Variants in TCTN2 observed in about 807,000 individuals in gnomAD.
TCTN2 encodes the protein tectonic family member 2.
In TCTN2, 66 loss-of-function variants were observed where a neutral mutation model predicts 83.4. That is an observed-to-expected ratio of 0.79 (90% CI 0.65 to 0.97). The LOEUF (loss-of-function observed/expected upper bound fraction) is 0.97. Ranked by LOEUF, TCTN2 falls within the 50% of genes least tolerant of loss-of-function variation. The pLI, the probability that TCTN2 is intolerant of heterozygous loss-of-function variation, is 0.00. For missense variants in TCTN2, 794 were observed against 858.1 expected, an observed-to-expected ratio of 0.93 and a Z score of 0.93; for synonymous variants, 301 against 326.7, an observed-to-expected ratio of 0.92 and a Z score of 0.85.
intron 5 of TCTN2, among the ~76,000 whole-genome samples, chr12:123,680,449 C>T (rs1258553069): frequency 1.3e-5 from 2 of 150,380 alleles, no homozygotes; most frequent in Admixed American, 6.6e-5. Flanking sequence ...CCACCATGCC[C>T]GGCCTGACTT....
chr12:123,704,505 A>C, intron 14 of TCTN2, 27 bp from the exon 15 acceptor site: 1 of 1,588,074 alleles, frequency 6.3e-7, no homozygotes, highest in Non-Finnish European at 8.6e-7. Context: ...TATTCTTTGA[A>C]AAGTGTATAA....
At position 123,708,299 on chromosome 12, in the gene TCTN2, A is replaced by G. The variant is rs940806996; in HGVS notation, c.*586A>G. 1 of 156,954 alleles carries G rather than the reference A, an allele frequency of 6.4e-6. No homozygotes were observed. The highest frequency in any genetic ancestry group is 2.4e-5 in the African/African-American group (1 of 41,416). 9.7% of individuals were successfully genotyped at this position (156,954 alleles called of 1,614,324 possible). On this transcript the variant is annotated 3_prime_UTR_variant, in exon 18 of 18. Coordinates refer to ENST00000303372, the MANE Select transcript of TCTN2 (RefSeq NM_024809.5). ...TGAGCCACTGCGTCCGGTCCATCTGACTTCTCAAAGACTTTAGACCTTGAC... is the reference window on the plus strand; with the variant it reads ...TGAGCCACTGCGTCCGGTCCATCTGGCTTCTCAAAGACTTTAGACCTTGAC...
At chr12:123,674,317 C>T (rs1352745173) in intron 4 of TCTN2, among the ~76,000 whole-genome samples, 1 of 152,054 alleles carries the variant, frequency 6.6e-6, no homozygotes, top group African/African-American at 2.4e-5. Context: ...TGTCACCAGG[C>T]TGGAGTGCAG....
intron 5 of TCTN2, 56 bp downstream of exon 5, chr12:123,679,345 G>C: frequency 6.9e-7 from 1 of 1,450,908 alleles, no homozygotes; most frequent in Non-Finnish European, 9.7e-7. Context: ...AACACCAGCA[G>C]TTCCACCAAC....
chr12:123,683,252 A>C (rs1039350677), intron 5 of TCTN2, among the ~76,000 whole-genome samples: 10 of 151,728 alleles, frequency 6.6e-5, no homozygotes, highest in African/African-American at 1.9e-4. Context: ...TTTTTGATTA[A>C]CCTTTTTTTC....
Position 123,686,821 on chromosome 12 carries a change from A to G in TCTN2, c.565-15A>G. 2.5e-6 allele frequency: 4 copies of G among 1,613,940 alleles called. No homozygotes were observed. The highest frequency in any genetic ancestry group is 3.4e-6 in the Non-Finnish European group (4 of 1,179,880). Reference sequence around the variant, plus strand: ...GACCACGGTCACAGCTCCTGCCTTTATGTTTGTCTTCCAGGAATGCTCATC... The same window carrying G: ...GACCACGGTCACAGCTCCTGCCTTTGTGTTTGTCTTCCAGGAATGCTCATC... On this transcript the variant is annotated splice_polypyrimidine_tract_variant and intron_variant, in intron 5 of 17. Coordinates refer to ENST00000303372, the MANE Select transcript of TCTN2 (RefSeq NM_024809.5).
At chr12:123,694,349 G>A (rs1393811398) in intron 9 of TCTN2, among the ~76,000 whole-genome samples, 16 of 152,164 alleles carry the variant, frequency 1.1e-4, no homozygotes, top group Admixed American at 1.3e-4. Flanking sequence ...GGCTGGTCTC[G>A]AACTCTTGAC....
chr12:123,701,363 C>T lies in TCTN2; in HGVS notation c.1612+1553C>T, dbSNP rs527528479. ...GCTTTGTGACTATACCAGAAACCAT[C>T]GAATTGCACACTTTAAGTAGGTGGA... On this transcript the variant is annotated intron_variant, in intron 14 of 17. Coordinates refer to ENST00000303372, the MANE Select transcript of TCTN2 (RefSeq NM_024809.5). Among the ~76,000 whole-genome samples the T allele has an allele frequency of 9.9e-5, 15 of 152,222 alleles. No individual in the cohort carries two copies. The East Asian group carries it at 2.5e-3, about 25-fold the overall frequency.
intron 4 of TCTN2, among the ~76,000 whole-genome samples, chr12:123,676,564 T>C (rs1319608081): frequency 1.5e-5 from 1 of 66,156 alleles, no homozygotes; most frequent in Non-Finnish European, 2.6e-5. Context: ...CGAGACTCCA[T>C]CTAAAAAAAA....
chr12:123,696,296 T>C (rs1956107552), intron 11 of TCTN2, 119 bp from the exon 12 acceptor site: 1 of 831,252 alleles, frequency 1.2e-6, no homozygotes, highest in Non-Finnish European at 2.1e-6. Context: ...TCAAGGGTAT[T>C]TTCGAAAGCT....
At chr12:123,693,707 G>GCCTTGA (rs1956074433) in intron 9 of TCTN2, among the ~76,000 whole-genome samples, 1 of 151,876 alleles carries the variant, frequency 6.6e-6, no homozygotes, top group Admixed American at 6.6e-5. Context: ...ACCTGCCTTG[G>GCCTTGA]CCTCCCAAAG....
At chr12:123,695,645 A>G (rs967813319) in intron 11 of TCTN2, 122 of 184,774 alleles carry the variant, frequency 6.6e-4, no homozygotes, top group African/African-American at 2.8e-3. Context: ...CTACTTCTCC[A>G]AAGAGAGGCT....
At chr12:123,690,123 A>G (rs1432098789) in intron 7 of TCTN2, among the ~76,000 whole-genome samples, 1 of 152,162 alleles carries the variant, frequency 6.6e-6, no homozygotes, top group Non-Finnish European at 1.5e-5. Context: ...TAAGTTCAAC[A>G]TTATGAGGAG....
intron 3 of TCTN2, 43 bp downstream of exon 3, chr12:123,672,175 C>G (rs748975594): frequency 1.9e-6 from 3 of 1,539,822 alleles, no homozygotes; most frequent in Admixed American, 3.3e-5. Flanking sequence ...GTGAAGAGGC[C>G]CCCAGCTAGG....
rs368179378 is a variant in TCTN2, at chr12:123,686,818, T to G, written c.565-18T>G. On this transcript the variant is annotated intron_variant, in intron 5 of 17. Coordinates refer to ENST00000303372, the MANE Select transcript of TCTN2 (RefSeq NM_024809.5). ...CCTGACCACGGTCACAGCTCCTGCC[T>G]TTATGTTTGTCTTCCAGGAATGCTC... 236 of 1,613,824 alleles carry G rather than the reference T, an allele frequency of 1.5e-4. 2 individuals are homozygous for G. Among genetic ancestry groups the G allele is most frequent in the Non-Finnish European group, 1.9e-4 (226 of 1,179,834 alleles).
chr12:123,677,696 G>T (rs1422501718), intron 4 of TCTN2, among the ~76,000 whole-genome samples: 3 of 152,018 alleles, frequency 2.0e-5, no homozygotes, highest in Non-Finnish European at 4.4e-5. Context: ...ATTCACGCCC[G>T]CCACCTTCTC....
chr12:123,706,514 T>C (rs1282533646), intron 15 of TCTN2, among the ~76,000 whole-genome samples: 1 of 152,182 alleles, frequency 6.6e-6, no homozygotes. Context: ...GACAGGCCCA[T>C]GAGGGGTTAT....
At chr12:123,673,198 A>G (rs7975233) in intron 3 of TCTN2, among the ~76,000 whole-genome samples, 54,375 of 152,184 alleles carry the variant, frequency 0.36, 10,201 homozygotes, top group African/African-American at 0.41. Context: ...AGAAAAGGAC[A>G]GGAAAGACAA....
chr12:123,704,667 A>G lies in TCTN2; in HGVS notation c.1748A>G (p.Glu583Gly), dbSNP rs1566264141. The change falls in exon 15 of 18, where the codon GAG (glutamate) becomes GGG (glycine). Residue 583 changes from glutamate to glycine, a missense_variant. Physicochemically the swap from Glu to Gly is moderately conservative, Grantham distance 98. Coordinates refer to ENST00000303372, the MANE Select transcript of TCTN2 (RefSeq NM_024809.5). ...AGAVEGITQQ[E>G]ILGVETRFSS... ...GCGGTGGAAGGGATTACTCAGCAGGAGATACTCGGTGTAGAGACAAGGTAT... is the reference window on the plus strand; with the variant it reads ...GCGGTGGAAGGGATTACTCAGCAGGGGATACTCGGTGTAGAGACAAGGTAT... The G allele has an allele frequency of 6.2e-7, 1 of 1,613,496 alleles. No individual in the cohort carries two copies.
Sources: gnomAD v4.1 joint callset for allele counts (sites outside exome capture counted in the v4.1 genomes callset) on GRCh38, gnomAD v4.1.1 for gene constraint, MANE v1.5 for transcripts, NCBI Gene and HGNC (gene_info 2026-07-23, HGNC 2026-07-21) for gene names.